ABCA13: variants seen among roughly 807,000 people sequenced by gnomAD.
ABCA13 encodes ATP-binding cassette sub-family A member 13.
In ABCA13, 476 loss-of-function variants were observed where a neutral mutation model predicts 478.7. The ratio of observed to expected loss-of-function variants is 0.99; its 90% CI spans 0.92 to 1.07. The LOEUF (loss-of-function observed/expected upper bound fraction) is 1.07, where lower values mean the gene tolerates loss of function less well. Among genes scored for constraint, ABCA13 ranks in the 50% least tolerant of loss-of-function variants. ABCA13 has a pLI of 0.00. For missense variants in ABCA13, 6,060 were observed against 5,910.6 expected, an observed-to-expected ratio of 1.03 and a Z score of -0.83; for synonymous variants, 2,252 against 2,158.9, an observed-to-expected ratio of 1.04 and a Z score of -1.20.
chr7:48,381,022 C>A (rs1472492004), intron 35 of ABCA13, among the ~76,000 whole-genome samples: 1 of 152,132 alleles, frequency 6.6e-6, no homozygotes, highest in African/African-American at 2.4e-5. Context: ...CTTGCCCTTC[C>A]TCACATGTTC....
At chr7:48,468,589 C>T (rs1327037552) in intron 44 of ABCA13, among the ~76,000 whole-genome samples, 1 of 152,124 alleles carries the variant, frequency 6.6e-6, no homozygotes, top group African/African-American at 2.4e-5. Context: ...TCACTAGGAC[C>T]TCAAATCAGA....
At chr7:48,427,432 A>G (rs1821581534) in intron 41 of ABCA13, among the ~76,000 whole-genome samples, 1 of 152,214 alleles carries the variant, frequency 6.6e-6, no homozygotes, top group Non-Finnish European at 1.5e-5. Flanking sequence ...TGGTACAGTG[A>G]GTCACAAACT....
chr7:48,542,857 A>G (rs987973524), intron 55 of ABCA13, among the ~76,000 whole-genome samples: 2 of 151,780 alleles, frequency 1.3e-5, no homozygotes, highest in African/African-American at 4.8e-5. Context: ...AGATGGGTCT[A>G]ATCGTGACAT....
In ABCA13 at chr7:48,314,263, C is replaced by G; in HGVS notation, c.9713C>G (p.Ala3238Gly). The change falls in exon 26 of 62, where the codon GCT (alanine) becomes GGT (glycine). Residue 3238 changes from alanine to glycine, a missense_variant. By Grantham distance (60) the Ala-to-Gly change is moderately conservative. Coordinates refer to ENST00000435803, the MANE Select transcript of ABCA13 (RefSeq NM_152701.5). ...CAAAATGTCCAGGCCAGAAGTTCAG[C>G]TTTTGGTTCTTTCCAGTTTGTGATG... The part of the protein sequence containing the change: ...VSQNVQARSS[A>G]FGSFQFVMKM... The G allele has an allele frequency of 6.2e-7, 1 of 1,613,332 alleles. No homozygotes were observed. Among genetic ancestry groups the G allele is most frequent in the Non-Finnish European group, 8.5e-7 (1 of 1,179,760 alleles).
rs150292617 is a variant in ABCA13, at chr7:48,244,657, T to C, written c.1344T>C (p.Asp448=). ...CACTGAAGAGATTTCTTCAGCTTGA[T>C]GGAGCTCTCAGAAATGCGATAGCTC... The part of the protein sequence containing the change: ...WPALKRFLQL[D]GALRNAIAQN... The change falls in exon 11 of 62, where the codon GAT becomes GAC. Residue 448 remains aspartate, a synonymous_variant. Coordinates refer to ENST00000435803, the MANE Select transcript of ABCA13 (RefSeq NM_152701.5). 6.1e-4 allele frequency: 985 copies of C among 1,611,968 alleles called. 8 individuals are homozygous for C. In the African/African-American group the frequency reaches 0.012, roughly 20 times the overall value.
chr7:48,544,649 T>A (rs1784655690), intron 55 of ABCA13, among the ~76,000 whole-genome samples: 1 of 151,884 alleles, frequency 6.6e-6, no homozygotes, highest in South Asian at 2.1e-4. Flanking sequence ...CCCTTATACA[T>A]CTTTTCATTT....
chr7:48,218,715 C>T (rs1168593367), intron 3 of ABCA13, among the ~76,000 whole-genome samples: 4 of 152,182 alleles, frequency 2.6e-5, no homozygotes, highest in African/African-American at 4.8e-5. Flanking sequence ...TTCCTCATCT[C>T]TAAATAGCTG....
intron 9 of ABCA13, among the ~76,000 whole-genome samples, chr7:48,239,613 C>T (rs1790509167): frequency 1.3e-5 from 2 of 152,246 alleles, no homozygotes; most frequent in South Asian, 4.1e-4. Flanking sequence ...GCCCTCAACA[C>T]TCATCACCAA....
At chr7:48,635,257 A>G (rs770039559) in intron 59 of ABCA13, among the ~76,000 whole-genome samples, 3 of 152,106 alleles carry the variant, frequency 2.0e-5, no homozygotes, top group African/African-American at 7.2e-5. Flanking sequence ...CTAAAACAAC[A>G]AAACAGTCCC....
At chr7:48,644,589 C>CTTTTTTTTTTTT (rs71006572) in intron 60 of ABCA13, 28 bp from the exon 61 acceptor site, 2 of 1,413,342 alleles carry the variant, frequency 1.4e-6, no homozygotes, top group East Asian at 2.5e-5. Context: ...TTATATGATA[C>CTTTTTTTTTTTT]TTTTTTTTTT....
chr7:48,517,959 C>T (rs879498450), intron 52 of ABCA13, among the ~76,000 whole-genome samples: 6 of 152,174 alleles, frequency 3.9e-5, no homozygotes, highest in Non-Finnish European at 8.8e-5. Context: ...CATGGCTGGA[C>T]TTTCAGAGAC....
intron 39 of ABCA13, among the ~76,000 whole-genome samples, chr7:48,409,756 C>T (rs1310962368): frequency 6.6e-6 from 1 of 151,906 alleles, no homozygotes; most frequent in Non-Finnish European, 1.5e-5. Context: ...TAGCCTTCTC[C>T]CTACATACAT....
intron 29 of ABCA13, among the ~76,000 whole-genome samples, chr7:48,343,472 G>A (rs10239786): frequency 1.3e-5 from 2 of 152,152 alleles, no homozygotes; most frequent in African/African-American, 4.8e-5. Flanking sequence ...TGGAGACTCA[G>A]CCTCTCAGTT....
chr7:48,241,316 T>C (rs1440692229), intron 10 of ABCA13, among the ~76,000 whole-genome samples: 2 of 152,212 alleles, frequency 1.3e-5, no homozygotes, highest in Non-Finnish European at 2.9e-5. Flanking sequence ...AAGGTGTCAG[T>C]TTCCTAGATT....
intron 2 of ABCA13, among the ~76,000 whole-genome samples, chr7:48,197,063 G>C (rs925692720): frequency 1.3e-5 from 2 of 152,208 alleles, no homozygotes; most frequent in Non-Finnish European, 2.9e-5. Flanking sequence ...ATTAAAGCTT[G>C]AGAAGCTTTA....
intron 42 of ABCA13, among the ~76,000 whole-genome samples, chr7:48,438,225 T>A (rs1823104522): frequency 1.3e-5 from 2 of 152,174 alleles, no homozygotes; most frequent in South Asian, 4.1e-4. Context: ...AGCCATTTCT[T>A]TGACCCCACC....
In ABCA13 at chr7:48,297,195, G is replaced by A. The variant is rs772398406; in HGVS notation, c.9120-37G>A. The A allele has an allele frequency of 3.3e-6, 5 of 1,515,598 alleles. No homozygotes were observed. In the African/African-American group the frequency reaches 6.9e-5, roughly 21 times the overall value. 93.9% of individuals were successfully genotyped at this position (1,515,598 alleles called of 1,614,324 possible). On this transcript the variant is annotated intron_variant, in intron 21 of 61. Transcript: ENST00000435803. ...TTCCAACACTGTTTCTGATGTTTTAGCTTGCCTAATTTAGCTTTAATTTTC... is the reference window on the plus strand; with the variant it reads ...TTCCAACACTGTTTCTGATGTTTTAACTTGCCTAATTTAGCTTTAATTTTC...
At chr7:48,302,988 AT>A (rs1800365215) in intron 23 of ABCA13, among the ~76,000 whole-genome samples, 1 of 152,124 alleles carries the variant, frequency 6.6e-6, no homozygotes, top group Non-Finnish European at 1.5e-5. Context: ...CTGCAACCTC[AT>A]CAGAATCGGT....
rs189078520 is a variant in ABCA13, at chr7:48,508,164, A to G, written c.13524+115A>G. The G allele has an allele frequency of 7.9e-4, 1,007 of 1,279,470 alleles. 8 individuals are homozygous for G. The African/African-American group carries it at 0.013, about 16-fold the overall frequency. 79.3% of individuals were successfully genotyped at this position (1,279,470 alleles called of 1,614,324 possible). A position where few individuals can be genotyped will look rare whatever the true frequency, so the allele number is the denominator to read the frequency against. On this transcript the variant is annotated intron_variant, in intron 50 of 61. Transcript: ENST00000435803. ...TGGCTGCCTTGGAGTGTCCACAAAA[A>G]GGGGTCATCTTATTGATAAGAGCAT...
Sources: allele counts gnomAD v4.1 joint callset (sites outside exome capture counted in the v4.1 genomes callset), GRCh38; gene constraint gnomAD v4.1.1; transcripts MANE v1.5; gene names NCBI Gene and HGNC (gene_info 2026-07-23, HGNC 2026-07-21).